TAX1BP1: variants seen among roughly 807,000 people sequenced by gnomAD.
The protein encoded by TAX1BP1 is tax1-binding protein 1.
In TAX1BP1, 62 loss-of-function variants were observed where a neutral mutation model predicts 97.7. The ratio of observed to expected loss-of-function variants is 0.63; its 90% confidence interval spans 0.52 to 0.78. The LOEUF is 0.78. Ranked by LOEUF, TAX1BP1 falls within the 30% of genes least tolerant of loss-of-function variation. The pLI is 0.00. For synonymous variants in TAX1BP1, 340 were observed against 304.2 expected (o/e 1.12, Z -1.23); for missense variants, 867 against 916.1 (o/e 0.95, Z 0.69).
At chr7:27,782,795 A>G (rs769444012) in intron 5 of TAX1BP1, among the ~76,000 whole-genome samples, 7 of 152,158 alleles carry the variant, frequency 4.6e-5, no homozygotes, top group Non-Finnish European at 1.0e-4. Flanking sequence ...TACTCTGTGT[A>G]TGTGTGAATC....
chr7:27,822,797 G>A (rs957753116), intron 15 of TAX1BP1, among the ~76,000 whole-genome samples: 1 of 152,124 alleles, frequency 6.6e-6, no homozygotes, highest in African/African-American at 2.4e-5. Context: ...TTTAGTTTTA[G>A]TGAAGCTGAA....
At chr7:27,754,304 C>T (rs999106730) in intron 2 of TAX1BP1, among the ~76,000 whole-genome samples, 1 of 151,132 alleles carries the variant, frequency 6.6e-6, no homozygotes, top group Non-Finnish European at 1.5e-5. Context: ...GCCTTGGTCT[C>T]CCCTTCAGTC....
intron 15 of TAX1BP1, among the ~76,000 whole-genome samples, chr7:27,824,166 A>G (rs1791081899): frequency 6.6e-6 from 1 of 152,088 alleles, no homozygotes; most frequent in Admixed American, 6.5e-5. Context: ...TAATATGGTA[A>G]TTTTATTTTT....
Position 27,792,169 on chromosome 7 carries a change from T to G in TAX1BP1, c.1202T>G (p.Val401Gly). 1 of 1,613,756 alleles carries G rather than the reference T, an allele frequency of 6.2e-7. No individual in the cohort carries two copies. Among genetic ancestry groups the G allele is most frequent in the South Asian group, 1.1e-5 (1 of 91,070 alleles). Residue 401 changes from valine (V) to glycine (G), a missense_variant, in exon 9 of 17, where the codon GTG (valine) becomes GGG (glycine). By Grantham distance (109) the Val-to-Gly change is moderately radical. This residue lies in a region of TAX1BP1 where 822 missense variants were observed against 851.4 expected (regional missense o/e 0.97). Transcript: ENST00000396319. ...LHTARLENEK[V>G]KKQLADAVAE... ...ACTGCACGCTTGGAAAACGAGAAAG[T>G]GAAAAAGCAGTTAGCTGATGCAGTG...
At chr7:27,800,245 C>G (rs991697037) in intron 13 of TAX1BP1, among the ~76,000 whole-genome samples, 155 bp downstream of exon 13, 3 of 152,104 alleles carry the variant, frequency 2.0e-5, no homozygotes, top group Admixed American at 6.5e-5. Flanking sequence ...TACATAAATA[C>G]TGTTCATTAA....
chr7:27,787,030 AC>A (rs1255806083), intron 7 of TAX1BP1, among the ~76,000 whole-genome samples: 2 of 152,176 alleles, frequency 1.3e-5, no homozygotes, highest in African/African-American at 4.8e-5. Context: ...TTTTGAATGC[AC>A]CCCTTCTAGT....
At chr7:27,762,986 T>C (rs4719907) in intron 3 of TAX1BP1, among the ~76,000 whole-genome samples, 39,580 of 152,126 alleles carry the variant, frequency 0.26, 5,640 homozygotes, top group East Asian at 0.52. Context: ...AAATGCAATA[T>C]GTTTTACAAG....
chr7:27,810,610 T>C (rs1452042590), intron 13 of TAX1BP1, among the ~76,000 whole-genome samples: 2 of 152,182 alleles, frequency 1.3e-5, no homozygotes, highest in Admixed American at 1.3e-4. Flanking sequence ...CCATTGTAAA[T>C]TGTATGACAG....
chr7:27,795,433 C>G (rs1303070380), intron 11 of TAX1BP1, among the ~76,000 whole-genome samples: 1 of 152,000 alleles, frequency 6.6e-6, no homozygotes, highest in South Asian at 2.1e-4. Flanking sequence ...CATAGTGAGA[C>G]CCTGGCTTTC....
chr7:27,758,018 T>C lies in TAX1BP1; in HGVS notation c.163-13T>C, dbSNP rs757436789. On this transcript the variant is annotated splice_polypyrimidine_tract_variant and intron_variant, in intron 2 of 16. Coordinates refer to ENST00000396319, the MANE Select transcript of TAX1BP1 (RefSeq NM_006024.7). ...TTGCTTATAAATCCGCCTTTTTTGT[T>C]ATTTCCCTTTAGGTTGGATGGAGTA... is the stretch of plus-strand genomic sequence containing the variant. The C allele has an allele frequency of 6.3e-7, 1 of 1,589,620 alleles. No individual in the cohort carries two copies. The highest frequency in any genetic ancestry group is 8.6e-7 in the Non-Finnish European group (1 of 1,164,870).
In TAX1BP1 at chr7:27,758,044, C is replaced by T; in HGVS notation, c.176C>T (p.Thr59Ile). 2 of 1,610,266 alleles carry T rather than the reference C, an allele frequency of 1.2e-6. No individual in the cohort carries two copies. Among genetic ancestry groups the T allele is most frequent in the Non-Finnish European group, 8.5e-7 (1 of 1,178,288 alleles). Residue 59 changes from threonine to isoleucine, a missense_variant, in exon 3 of 17, where the codon ACT becomes ATT. Coordinates refer to ENST00000396319, the MANE Select transcript of TAX1BP1 (RefSeq NM_006024.7). ...WVGIFKVGWS[T>I]ARDYYTFLWS... The stretch of plus-strand genomic sequence containing the variant: ...ATTTCCCTTTAGGTTGGATGGAGTA[C>T]TGCTCGTGATTATTACACGTTTTTA...
At chr7:27,784,038 G>T (rs1789370101) in intron 5 of TAX1BP1, among the ~76,000 whole-genome samples, 1 of 152,138 alleles carries the variant, frequency 6.6e-6, no homozygotes, top group South Asian at 2.1e-4. Flanking sequence ...AGAAAATAAT[G>T]TAGCAATGTT....
rs773821142 is a variant in TAX1BP1 at position 27,765,914 on chromosome 7, A to T, written c.346A>T (p.Thr116Ser). 1.2e-6 allele frequency: 2 copies of T among 1,614,186 alleles called. No individual in the cohort carries two copies. Among genetic ancestry groups the T allele is most frequent in the South Asian group, 2.2e-5 (2 of 91,088 alleles). ...TAAGGGTGAAATTCGTGGAGCAAGT[A>T]CACCTTTCCAGTTTCGAGCTTCTTC... ...THKGEIRGAS[T>S]PFQFRASSPV... is the part of the protein sequence containing the mutation. The change falls in exon 4 of 17, where the codon ACA (threonine) becomes TCA (serine). Residue 116 changes from threonine (T) to serine (S), a missense_variant. Physicochemically the swap from Thr to Ser is moderately conservative, Grantham distance 58. Around this residue, in one of 3 missense-constraint regions of TAX1BP1, gnomAD observed 822 missense variants for 851.4 expected, o/e 0.97. Coordinates refer to ENST00000396319, the MANE Select transcript of TAX1BP1 (RefSeq NM_006024.7).
chr7:27,785,793 T>C (rs1449076906), intron 7 of TAX1BP1, among the ~76,000 whole-genome samples: 5 of 152,192 alleles, frequency 3.3e-5, no homozygotes, highest in Non-Finnish European at 5.9e-5. Context: ...CTAGCTTCTC[T>C]CAGAGTGAGT....
Sources: allele counts gnomAD v4.1 joint callset (sites outside exome capture counted in the v4.1 genomes callset), GRCh38; gene constraint gnomAD v4.1.1; regional missense constraint gnomAD v4.1.1; transcripts MANE v1.5; gene names NCBI Gene and HGNC (gene_info 2026-07-23, HGNC 2026-07-21).